NUDCD1: variants seen among roughly 807,000 people sequenced by gnomAD.
The protein encoded by NUDCD1 is nudC domain-containing protein 1.
In NUDCD1, 60 loss-of-function variants were observed where a neutral mutation model predicts 67.8. The observed-to-expected ratio is 0.88, with a 90% CI of 0.72 to 1.10. The LOEUF (loss-of-function observed/expected upper bound fraction) is 1.10. Ranked by LOEUF, NUDCD1 falls within the 50% of genes least tolerant of loss-of-function variation. The pLI is 0.00. For synonymous variants in NUDCD1, 244 were observed against 230.8 expected, an observed-to-expected ratio of 1.06 and a Z score of -0.52; for missense variants, 643 against 695.0, an observed-to-expected ratio of 0.93 and a Z score of 0.84.
chr8:109,321,799 T>C (rs926850635), intron 2 of NUDCD1, among the ~76,000 whole-genome samples: 2 of 151,926 alleles, frequency 1.3e-5, no homozygotes, highest in South Asian at 2.1e-4. Context: ...AAAATACTAA[T>C]TTACAAAAAT....
chr8:109,252,680 T>G (rs1409997323), intron 8 of NUDCD1, among the ~76,000 whole-genome samples: 1 of 152,160 alleles, frequency 6.6e-6, no homozygotes, highest in Non-Finnish European at 1.5e-5. Flanking sequence ...CTTACCCACT[T>G]ACATGGCAGT....
chr8:109,256,861 T>TA (rs1046917217), intron 8 of NUDCD1, among the ~76,000 whole-genome samples: 3 of 151,574 alleles, frequency 2.0e-5, no homozygotes, highest in Non-Finnish European at 2.9e-5. Flanking sequence ...AGATAATCTA[T>TA]AAAAAAAGTA....
intron 2 of NUDCD1, among the ~76,000 whole-genome samples, chr8:109,300,206 C>T (rs1563677268): frequency 1.3e-5 from 2 of 152,016 alleles, no homozygotes; most frequent in Middle Eastern, 3.2e-3. Flanking sequence ...TAACACCCTC[C>T]GAAAATCACA....
intron 8 of NUDCD1, among the ~76,000 whole-genome samples, chr8:109,269,078 A>C (rs1382200915): frequency 6.6e-6 from 1 of 152,208 alleles, no homozygotes; most frequent in Non-Finnish European, 1.5e-5. Context: ...TCCAAGATGG[A>C]CCTAAAACCA....
At chr8:109,330,147 G>C (rs1159281430) in intron 1 of NUDCD1, among the ~76,000 whole-genome samples, 6 of 152,172 alleles carry the variant, frequency 3.9e-5, no homozygotes, top group Non-Finnish European at 1.5e-5. Flanking sequence ...GCCTAGGAAG[G>C]AAATTGCCGG....
intron 2 of NUDCD1, among the ~76,000 whole-genome samples, chr8:109,304,976 CG>C (rs1239890290): frequency 5.9e-5 from 9 of 152,158 alleles, no homozygotes; most frequent in Non-Finnish European, 1.3e-4. Flanking sequence ...TCTATTCTGT[CG>C]TCATTTCATA....
intron 8 of NUDCD1, among the ~76,000 whole-genome samples, chr8:109,269,585 C>A (rs1242483571): frequency 6.6e-6 from 1 of 152,178 alleles, no homozygotes; most frequent in Non-Finnish European, 1.5e-5. Context: ...CTAGAATACA[C>A]TTTCCCCCAA....
chr8:109,310,545 G>A (rs974358193), intron 2 of NUDCD1, among the ~76,000 whole-genome samples: 1 of 152,196 alleles, frequency 6.6e-6, no homozygotes, highest in African/African-American at 2.4e-5. Flanking sequence ...AACCCTTCTA[G>A]ACATTGGCTA....
intron 5 of NUDCD1, among the ~76,000 whole-genome samples, chr8:109,285,367 A>G (rs1195748611): frequency 3.3e-5 from 5 of 152,116 alleles, no homozygotes; most frequent in Non-Finnish European, 5.9e-5. Flanking sequence ...ACACAAAAAA[A>G]CTACAGGCCA....
chr8:109,254,641 G>A (rs1169193962), intron 8 of NUDCD1, among the ~76,000 whole-genome samples: 1 of 151,976 alleles, frequency 6.6e-6, no homozygotes, highest in African/African-American at 2.4e-5. Context: ...TACAATTAGA[G>A]TAAAATATTC....
intron 2 of NUDCD1, among the ~76,000 whole-genome samples, chr8:109,306,789 C>T (rs1440772001): frequency 6.6e-6 from 1 of 152,128 alleles, no homozygotes; most frequent in South Asian, 2.1e-4. Flanking sequence ...CAGGCCATCA[C>T]CAATCATTCT....
intron 2 of NUDCD1, among the ~76,000 whole-genome samples, chr8:109,300,297 C>G (rs1239608774): frequency 6.6e-6 from 1 of 151,838 alleles, no homozygotes; most frequent in Non-Finnish European, 1.5e-5. Context: ...AGTTATTAAG[C>G]TAATCAGGGA....
intron 2 of NUDCD1, among the ~76,000 whole-genome samples, chr8:109,308,745 G>A (rs1223007839): frequency 6.6e-6 from 1 of 152,096 alleles, no homozygotes; most frequent in Admixed American, 6.6e-5. Context: ...GCCAAGGTGG[G>A]TGAATCACGA....
intron 8 of NUDCD1, among the ~76,000 whole-genome samples, chr8:109,254,707 T>C (rs1813691180): frequency 6.6e-6 from 1 of 152,090 alleles, no homozygotes; most frequent in African/African-American, 2.4e-5. Flanking sequence ...TTATTCTCTG[T>C]AGAACACTTA....
chr8:109,333,428 T>C (rs995110255), intron 1 of NUDCD1, among the ~76,000 whole-genome samples: 1 of 152,196 alleles, frequency 6.6e-6, no homozygotes, highest in Non-Finnish European at 1.5e-5. Context: ...AAAAATGCTA[T>C]GACTGGAATG....
intron 5 of NUDCD1, 44 bp downstream of exon 5, chr8:109,289,707 T>C (rs1346801416): frequency 4.0e-6 from 4 of 992,090 alleles, no homozygotes; most frequent in African/African-American, 3.4e-5. Flanking sequence ...CATAAATATA[T>C]GTTTATGAAA....
chr8:109,292,371 G>T (rs986056799), intron 4 of NUDCD1, among the ~76,000 whole-genome samples: 1 of 151,976 alleles, frequency 6.6e-6, no homozygotes, highest in Non-Finnish European at 1.5e-5. Flanking sequence ...ATACTTCAAA[G>T]AACAAATCTA....
chr8:109,293,427 CGAA>C lies in NUDCD1; in HGVS notation c.554_556del (p.Leu185del). On this transcript the variant is annotated inframe_deletion, in exon 4 of 10. Coordinates refer to ENST00000239690, the MANE Select transcript of NUDCD1 (RefSeq NM_032869.4). ...CATATCCAATTCCTCTTTCTCTATT[CGAA>C]GAAGTAGGGTAGCTATAGAATGTTC... 1 of 1,586,990 alleles carries C rather than the reference CGAA, an allele frequency of 6.3e-7. No individual in the cohort carries two copies. The highest frequency in any genetic ancestry group is 8.6e-7 in the Non-Finnish European group (1 of 1,163,788).
intron 8 of NUDCD1, among the ~76,000 whole-genome samples, chr8:109,246,720 C>G (rs755403600): frequency 1.3e-5 from 2 of 151,552 alleles, no homozygotes; most frequent in Admixed American, 1.3e-4. Flanking sequence ...AACAGAATAC[C>G]AACAAAAATC....
Sources: allele counts gnomAD v4.1 joint callset (sites outside exome capture counted in the v4.1 genomes callset), GRCh38; gene constraint gnomAD v4.1.1; transcripts MANE v1.5; gene names NCBI Gene and HGNC (gene_info 2026-07-23, HGNC 2026-07-21).